The following DDHD1 variants were observed in gnomAD, a reference collection of about 807,000 sequenced individuals.
The protein encoded by DDHD1 is DDHD domain containing 1, also known as phospholipase DDHD1.
Under a neutral mutation model 96.4 loss-of-function variants are expected in DDHD1, and 49 were observed. The ratio of observed to expected loss-of-function variants is 0.51; its 90% CI spans 0.40 to 0.64. The LOEUF (loss-of-function observed/expected upper bound fraction) is 0.64, where lower values mean the gene tolerates loss of function less well. Ranked by LOEUF, DDHD1 falls within the 30% of genes least tolerant of loss-of-function variation. The pLI, the probability that DDHD1 is intolerant of heterozygous loss-of-function variation, is 0.00. For missense variants in DDHD1, 1,106 were observed against 1,161.2 expected, an observed-to-expected ratio of 0.95 and a Z score of 0.69; for synonymous variants, 442 against 446.5, an observed-to-expected ratio of 0.99 and a Z score of 0.13.
intron 4 of DDHD1, 38 bp downstream of exon 4, chr14:53,091,747 C>G: frequency 3.1e-6 from 5 of 1,595,416 alleles, no homozygotes; most frequent in Non-Finnish European, 4.3e-6. Context: ...AGTTTGGATT[C>G]TAGATTAGAT....
intron 1 of DDHD1, 117 bp downstream of exon 1, chr14:53,152,144 C>CGTATCATTAAAA: frequency 1.9e-6 from 2 of 1,078,240 alleles, no homozygotes; most frequent in Non-Finnish European, 2.5e-6. Flanking sequence ...CTGCCCCAGC[C>CGTATCATTAAAA]AAACGCCAGG....
chr14:53,147,971 A>G (rs1414772774), intron 1 of DDHD1, among the ~76,000 whole-genome samples: 1 of 152,220 alleles, frequency 6.6e-6, no homozygotes, highest in Non-Finnish European at 1.5e-5. Flanking sequence ...GTTTGTAAAC[A>G]TTATGTAATT....
At chr14:53,134,672 G>A (rs1288204119) in intron 1 of DDHD1, among the ~76,000 whole-genome samples, 3 of 151,252 alleles carry the variant, frequency 2.0e-5, no homozygotes, top group Non-Finnish European at 2.9e-5. Flanking sequence ...AATCTGGCCT[G>A]GTATATGACA....
At chr14:53,128,251 C>T (rs999140403) in intron 1 of DDHD1, among the ~76,000 whole-genome samples, 3 of 152,170 alleles carry the variant, frequency 2.0e-5, no homozygotes, top group African/African-American at 7.2e-5. Flanking sequence ...TAAGAATGGA[C>T]TAATATATGG....
At chr14:53,129,761 A>AC (rs1889726494) in intron 1 of DDHD1, among the ~76,000 whole-genome samples, 1 of 152,120 alleles carries the variant, frequency 6.6e-6, no homozygotes, top group Non-Finnish European at 1.5e-5. Flanking sequence ...TTCTTGCCTG[A>AC]CCTAAAAACC....
chr14:53,117,304 T>G (rs1474324319), intron 1 of DDHD1, among the ~76,000 whole-genome samples: 1 of 152,064 alleles, frequency 6.6e-6, no homozygotes, highest in African/African-American at 2.4e-5. Flanking sequence ...GGACAGTGGG[T>G]GCAGCTCACG....
intron 1 of DDHD1, among the ~76,000 whole-genome samples, chr14:53,151,907 T>A: frequency 6.6e-6 from 1 of 152,132 alleles, no homozygotes; most frequent in South Asian, 2.1e-4. Flanking sequence ...TTAGGGTAAA[T>A]GAGACAGAAC....
At chr14:53,120,328 G>A (rs143116774) in intron 1 of DDHD1, among the ~76,000 whole-genome samples, 1,537 of 152,284 alleles carry the variant, frequency 0.01, 30 homozygotes, top group African/African-American at 0.035. Flanking sequence ...AAAATTCTAT[G>A]CTCATGGTTA....
intron 4 of DDHD1, among the ~76,000 whole-genome samples, chr14:53,082,870 A>G (rs945740029): frequency 1.3e-5 from 2 of 151,848 alleles, no homozygotes; most frequent in African/African-American, 2.4e-5. Context: ...CTTGGGCTCA[A>G]GCAATCCAAA....
At chr14:53,141,926 G>T in intron 1 of DDHD1, among the ~76,000 whole-genome samples, 1 of 152,032 alleles carries the variant, frequency 6.6e-6, no homozygotes, top group African/African-American at 2.4e-5. Flanking sequence ...GGTTTACCAC[G>T]TATTTTTTTT....
intron 8 of DDHD1, among the ~76,000 whole-genome samples, chr14:53,060,190 G>C (rs1457813735): frequency 6.6e-6 from 1 of 152,088 alleles, no homozygotes; most frequent in East Asian, 1.9e-4. Context: ...TACTCAACAG[G>C]AAATGAGTAT....
At chr14:53,145,392 T>C (rs1890906776) in intron 1 of DDHD1, among the ~76,000 whole-genome samples, 1 of 151,264 alleles carries the variant, frequency 6.6e-6, no homozygotes, top group African/African-American at 2.4e-5. Flanking sequence ...GGACCTAGCT[T>C]CTTTGAAGGC....
intron 1 of DDHD1, among the ~76,000 whole-genome samples, chr14:53,117,340 C>T (rs923063584): frequency 2.6e-5 from 4 of 152,218 alleles, no homozygotes; most frequent in Admixed American, 6.5e-5. Context: ...TATGGTGGGG[C>T]GTCGCCTCAC....
chr14:53,041,150 T>C lies in DDHD1; in HGVS notation c.*5618A>G, dbSNP rs1037244250. ...AGTAAAGGTCAAGTGTTAACATACT[T>C]GTTTTTCATCTTACTCCAACAGAAG... On this transcript the variant is annotated 3_prime_UTR_variant, in exon 13 of 13. Coordinates refer to ENST00000673822, the MANE Select transcript of DDHD1 (RefSeq NM_001160148.2). 6.6e-6 allele frequency: 1 copy of C among 152,146 alleles called. No homozygotes were observed. Among genetic ancestry groups the C allele is most frequent in the African/African-American group, 2.4e-5 (1 of 41,444 alleles). The allele number at this position is 152,146 out of a possible 1,614,324, so 9.4% of individuals were successfully genotyped here. A position where few individuals can be genotyped will look rare whatever the true frequency, so the allele number is the denominator to read the frequency against.
At chr14:53,056,574 G>T (rs1883075640) in intron 9 of DDHD1, among the ~76,000 whole-genome samples, 1 of 152,102 alleles carries the variant, frequency 6.6e-6, no homozygotes, top group Non-Finnish European at 1.5e-5. Context: ...TGGGATAATA[G>T]AGAGCCACTG....
Position 53,103,552 on chromosome 14 carries a change from A to G in DDHD1, c.1012+131T>C, listed in dbSNP as rs145014624. ...TAATTTTTAAATTCTAGAATAATCA[A>G]ATGTTTAAAAAAATCAAATTTTCTA... is the stretch of plus-strand genomic sequence containing the variant. On this transcript the variant is annotated intron_variant, in intron 2 of 12. Coordinates refer to ENST00000673822, the MANE Select transcript of DDHD1 (RefSeq NM_001160148.2). The G allele has an allele frequency of 5.3e-4, 379 of 713,318 alleles. 3 individuals carry two copies. The African/African-American group carries it at 5.7e-3, about 11-fold the overall frequency. 44.2% of individuals were successfully genotyped at this position (713,318 alleles called of 1,614,324 possible).
intron 1 of DDHD1, among the ~76,000 whole-genome samples, chr14:53,108,205 C>T (rs1373780160): frequency 6.6e-6 from 1 of 152,212 alleles, no homozygotes. Flanking sequence ...GTCTGCTGTG[C>T]TCCTGATCCA....
At chr14:53,146,903 A>G (rs750491106) in intron 1 of DDHD1, among the ~76,000 whole-genome samples, 1 of 151,114 alleles carries the variant, frequency 6.6e-6, no homozygotes, top group African/African-American at 2.4e-5. Flanking sequence ...GGGACTCTGT[A>G]TATCTGTACC....
intron 1 of DDHD1, among the ~76,000 whole-genome samples, chr14:53,140,117 A>G (rs1566603240): frequency 6.6e-6 from 1 of 152,222 alleles, no homozygotes; most frequent in Non-Finnish European, 1.5e-5. Context: ...TAAGTTAATA[A>G]AAATTATGCA....
Sources: gnomAD v4.1 joint callset for allele counts (sites outside exome capture counted in the v4.1 genomes callset) on GRCh38, gnomAD v4.1.1 for gene constraint, MANE v1.5 for transcripts, NCBI Gene and HGNC (gene_info 2026-07-23, HGNC 2026-07-21) for gene names.